Variants in SND1 observed in about 807,000 individuals in gnomAD.
SND1 encodes the protein staphylococcal nuclease domain-containing protein 1.
SND1 carries 38 observed loss-of-function variants against 121.7 expected under a neutral mutation model. The observed-to-expected ratio is 0.31, with a 90% CI of 0.24 to 0.41. The LOEUF is 0.41. Among genes scored for constraint, SND1 ranks in the 10% least tolerant of loss-of-function variants. The pLI, the probability that SND1 is intolerant of heterozygous loss-of-function variation, is 1.00. For synonymous variants in SND1, 401 were observed against 447.4 expected (o/e 0.90, Z 1.31); for missense variants, 868 against 1,184.6 (o/e 0.73, Z 3.92).
chr7:127,985,830 C>T (rs1336848330), intron 15 of SND1, among the ~76,000 whole-genome samples: 3 of 152,224 alleles, frequency 2.0e-5, no homozygotes, highest in Non-Finnish European at 4.4e-5. Flanking sequence ...GGACAGAAGG[C>T]AGGTTCTGCA....
chr7:127,895,622 G>A (rs1800104928), intron 13 of SND1, among the ~76,000 whole-genome samples: 1 of 152,078 alleles, frequency 6.6e-6, no homozygotes, highest in African/African-American at 2.4e-5. Flanking sequence ...GTTTTTGCAA[G>A]TGGATGTGAT....
intron 16 of SND1, chr7:128,028,715 G>C (rs780446429): frequency 3.7e-6 from 6 of 1,613,966 alleles, no homozygotes; most frequent in Admixed American, 1.7e-5. Context: ...CCTTGGTATG[G>C]GTCTGAATTA....
chr7:127,661,961 C>G (rs1423278551), intron 1 of SND1, among the ~76,000 whole-genome samples: 1 of 146,804 alleles, frequency 6.8e-6, no homozygotes, highest in African/African-American at 2.6e-5. Flanking sequence ...ACTAAAAATA[C>G]AAAAATTAGC....
intron 8 of SND1, among the ~76,000 whole-genome samples, chr7:127,706,252 T>TCC (rs796132526): frequency 0.023 from 1,477 of 63,006 alleles, 19 homozygotes; most frequent in South Asian, 0.036. Context: ...TTGCCCCCCC[T>TCC]CCCCCCCCCC....
intron 1 of SND1, among the ~76,000 whole-genome samples, chr7:127,672,729 T>C (rs1795544006): frequency 6.6e-6 from 1 of 152,220 alleles, no homozygotes; most frequent in Non-Finnish European, 1.5e-5. Flanking sequence ...GTCATGTCTC[T>C]AGTTTCCTTC....
At chr7:127,709,381 G>A (rs1364951399) in intron 9 of SND1, among the ~76,000 whole-genome samples, 2 of 152,226 alleles carry the variant, frequency 1.3e-5, no homozygotes, top group Admixed American at 6.5e-5. Context: ...CATTAGTGAT[G>A]TAGATGAGGC....
intron 10 of SND1, among the ~76,000 whole-genome samples, chr7:127,724,442 G>C (rs912046178): frequency 6.6e-6 from 1 of 152,234 alleles, no homozygotes; most frequent in African/African-American, 2.4e-5. Context: ...CACCTGTGTG[G>C]TACGAAACCA....
At chr7:128,066,596 C>T (rs961697276) in intron 16 of SND1, among the ~76,000 whole-genome samples, 4 of 152,244 alleles carry the variant, frequency 2.6e-5, no homozygotes, top group Non-Finnish European at 4.4e-5. Flanking sequence ...CACAGCCTCT[C>T]GCCTTCCACA....
At chr7:127,920,669 C>T (rs77496807) in intron 14 of SND1, among the ~76,000 whole-genome samples, 5,368 of 152,174 alleles carry the variant, frequency 0.035, 129 homozygotes, top group Admixed American at 0.067. Flanking sequence ...GCCCTCATCA[C>T]CTGGCACCTT....
At chr7:127,825,705 C>T (rs1933208292) in intron 11 of SND1, among the ~76,000 whole-genome samples, 1 of 152,124 alleles carries the variant, frequency 6.6e-6, no homozygotes. Context: ...CGCACCTGGC[C>T]AGAACATACC....
At chr7:128,041,518 T>G (rs1792854652) in intron 16 of SND1, among the ~76,000 whole-genome samples, 1 of 152,230 alleles carries the variant, frequency 6.6e-6, no homozygotes, top group Admixed American at 6.5e-5. Context: ...TAGAGGCAAC[T>G]CTGTCTGCAA....
At chr7:127,676,583 C>G (rs1031730234) in intron 1 of SND1, among the ~76,000 whole-genome samples, 1 of 152,194 alleles carries the variant, frequency 6.6e-6, no homozygotes, top group Admixed American at 6.5e-5. Context: ...TTACTACTTT[C>G]ACCCCAGAGG....
At chr7:127,925,073 T>G (rs1307356262) in intron 14 of SND1, among the ~76,000 whole-genome samples, 3 of 152,232 alleles carry the variant, frequency 2.0e-5, no homozygotes, top group Admixed American at 6.5e-5. Context: ...ATTTGTTGCA[T>G]CATTACTTTC....
chr7:127,759,193 A>C (rs965602536), intron 10 of SND1, among the ~76,000 whole-genome samples: 4 of 152,226 alleles, frequency 2.6e-5, no homozygotes, highest in African/African-American at 7.2e-5. Context: ...GTCAGAATGT[A>C]GTATGTGACT....
Position 127,806,695 on chromosome 7 carries a change from C to T in SND1, c.1153-789C>T, listed in dbSNP as rs148953251. 4.1e-3 allele frequency among the ~76,000 whole-genome samples: 623 copies of T among 152,310 alleles called. 4 individuals are homozygous for T. The highest frequency in any genetic ancestry group is 6.5e-3 in the Admixed American group (99 of 15,292). On this transcript the variant is annotated intron_variant, in intron 10 of 23. Coordinates refer to ENST00000354725, the MANE Select transcript of SND1 (RefSeq NM_014390.4). Reference sequence around the variant, plus strand: ...ACTTGTCCAGGTGTGATGGCTCAGGCCTGTAATCCCAGCACTTTGGGTGGG... The same window carrying T: ...ACTTGTCCAGGTGTGATGGCTCAGGTCTGTAATCCCAGCACTTTGGGTGGG...
intron 16 of SND1, among the ~76,000 whole-genome samples, chr7:128,017,197 G>A (rs534814893): frequency 2.0e-5 from 3 of 152,332 alleles, no homozygotes; most frequent in Non-Finnish European, 4.4e-5. Context: ...ATTCAGAAGA[G>A]CACACAGCAC....
intron 16 of SND1, among the ~76,000 whole-genome samples, chr7:128,026,346 C>T (rs986848288): frequency 6.6e-6 from 1 of 152,138 alleles, no homozygotes; most frequent in African/African-American, 2.4e-5. Flanking sequence ...CACACTGATA[C>T]CCAGAAATGA....
chr7:127,830,607 GA>G (rs1402490354), intron 11 of SND1, among the ~76,000 whole-genome samples: 1 of 151,940 alleles, frequency 6.6e-6, no homozygotes, highest in Non-Finnish European at 1.5e-5. Context: ...TTCTCTTAAT[GA>G]TCCTCCTCAT....
chr7:127,801,009 A>T (rs1443604886), intron 10 of SND1, among the ~76,000 whole-genome samples: 1 of 152,248 alleles, frequency 6.6e-6, no homozygotes, highest in East Asian at 1.9e-4. Flanking sequence ...TAAATCAGCC[A>T]AACTACTGTG....
Sources: gnomAD v4.1 joint callset for allele counts (sites outside exome capture counted in the v4.1 genomes callset) on GRCh38, gnomAD v4.1.1 for gene constraint, MANE v1.5 for transcripts, NCBI Gene and HGNC (gene_info 2026-07-23, HGNC 2026-07-21) for gene names.